ZNF782: variants seen among roughly 807,000 people sequenced by gnomAD.
ZNF782 encodes the protein zinc finger protein 782.
In ZNF782, 12 loss-of-function variants were observed where a neutral mutation model predicts 13.0. That is an observed-to-expected ratio of 0.92 (90% confidence interval 0.59 to 1.50). The LOEUF is 1.50. Among genes scored for constraint, ZNF782 ranks in the 40% most tolerant of loss-of-function variants. The pLI is 0.00. For synonymous variants in ZNF782, 284 were observed against 283.0 expected (o/e 1.00, Z -0.04); for missense variants, 770 against 822.9 (o/e 0.94, Z 0.79).
At chr9:96,877,075 T>G (rs1213304677), upstream of ZNF782, among the ~76,000 whole-genome samples, 1 of 152,054 alleles carries the variant, frequency 6.6e-6, no homozygotes, top group Non-Finnish European at 1.5e-5. Flanking sequence ...CCTGTTGATT[T>G]TTTTAACCAA....
intron 1 of ZNF782, among the ~76,000 whole-genome samples, chr9:96,868,304 A>G (rs1327781): frequency 0.17 from 26,268 of 152,226 alleles, 5,503 homozygotes; most frequent in African/African-American, 0.49. Context: ...AGTCTACTGG[A>G]GTTCCAATCC....
At chr9:96,885,349 T>G in the ZNF782 span, among the ~76,000 whole-genome samples, 127 of 151,674 alleles carry the variant, frequency 8.4e-4, no homozygotes, top group Middle Eastern at 3.4e-3. Context: ...ATAACCACAA[T>G]AAAAAGCCTG....
At chr9:96,915,430 G>A in the ZNF782 span, among the ~76,000 whole-genome samples, 1 of 149,904 alleles carries the variant, frequency 6.7e-6, no homozygotes, top group Admixed American at 6.6e-5. Context: ...TGTAATCCCA[G>A]CACTCTGGGA....
Position 96,844,919 on chromosome 9 carries a change from A to G in ZNF782, c.113T>C (p.Leu38Pro). The stretch of plus-strand genomic sequence containing the variant: ...TGAGACGAGGTGGCTGTAGTTCTCC[A>G]GCATCACATCTCTGTACAGGGTCCT... ...VERTLYRDVM[L>P]ENYSHLVSVG... The change falls in exon 4 of 6, where the codon CTG becomes CCG. Residue 38 changes from leucine to proline, a missense_variant. Leu to Pro is a moderately conservative substitution (Grantham distance 98). Transcript: ENST00000481138. 6.2e-7 allele frequency: 1 copy of G among 1,614,004 alleles called. No individual in the cohort carries two copies. Among genetic ancestry groups the G allele is most frequent in the Non-Finnish European group, 8.5e-7 (1 of 1,179,908 alleles).
the ZNF782 span, among the ~76,000 whole-genome samples, chr9:96,911,433 T>C: frequency 1.9e-5 from 2 of 105,752 alleles, no homozygotes; most frequent in Non-Finnish European, 3.8e-5. Context: ...AGCAAGACTC[T>C]GTCTCAAAAA....
the ZNF782 span, among the ~76,000 whole-genome samples, chr9:96,916,276 A>C: frequency 6.6e-6 from 1 of 151,928 alleles, no homozygotes; most frequent in African/African-American, 2.4e-5. Flanking sequence ...GGATCACTTG[A>C]GGCCAGGAGT....
upstream of ZNF782, among the ~76,000 whole-genome samples, chr9:96,876,759 A>C (rs1386123050): frequency 1.3e-5 from 2 of 152,020 alleles, no homozygotes; most frequent in Non-Finnish European, 2.9e-5. Context: ...TAATCCCAAC[A>C]CTTTGGGAGG....
upstream of ZNF782, among the ~76,000 whole-genome samples, chr9:96,857,053 G>A (rs1851652034): frequency 6.6e-6 from 1 of 152,206 alleles, no homozygotes; most frequent in Non-Finnish European, 1.5e-5. Context: ...AGAAGGGTAA[G>A]TTTTTGTGAA....
At chr9:96,840,054 C>T (rs937709074) in intron 4 of ZNF782, among the ~76,000 whole-genome samples, 20 of 152,232 alleles carry the variant, frequency 1.3e-4, no homozygotes, top group South Asian at 4.1e-4. Context: ...AAAATTAATG[C>T]ACCTGTAATT....
At chr9:96,910,184 G>A in the ZNF782 span, 65 of 830,398 alleles carry the variant, frequency 7.8e-5, 2 homozygotes, top group South Asian at 8.5e-4. Flanking sequence ...CCCTGCTAAC[G>A]GGAATGCTAA....
chr9:96,899,197 G>C, the ZNF782 span, among the ~76,000 whole-genome samples: 1 of 151,352 alleles, frequency 6.6e-6, no homozygotes, highest in Non-Finnish European at 1.5e-5. Context: ...TTTAAAGTGA[G>C]CTGAGATCAC....
At chr9:96,924,736 G>A in the ZNF782 span, among the ~76,000 whole-genome samples, 1 of 152,176 alleles carries the variant, frequency 6.6e-6, no homozygotes, top group Non-Finnish European at 1.5e-5. Flanking sequence ...ATGCATCACG[G>A]TTTCAACTGC....
intron 5 of ZNF782, among the ~76,000 whole-genome samples, chr9:96,823,982 G>A (rs1421156227): frequency 6.6e-6 from 1 of 152,096 alleles, no homozygotes; most frequent in East Asian, 1.9e-4. Flanking sequence ...GATACAAGGA[G>A]GAACTGGTAC....
At chr9:96,828,205 C>T (rs888682908) in intron 4 of ZNF782, among the ~76,000 whole-genome samples, 40 of 152,128 alleles carry the variant, frequency 2.6e-4, no homozygotes, top group African/African-American at 8.9e-4. Flanking sequence ...TCATCACCAA[C>T]CAGGGTAGAA....
At chr9:96,886,921 C>T in the ZNF782 span, among the ~76,000 whole-genome samples, 3 of 112,656 alleles carry the variant, frequency 2.7e-5, no homozygotes, top group African/African-American at 4.1e-5. Context: ...AACTCCCTCT[C>T]GAAAAAAAAA....
At chr9:96,923,855 T>C in the ZNF782 span, among the ~76,000 whole-genome samples, 1 of 149,578 alleles carries the variant, frequency 6.7e-6, no homozygotes, top group East Asian at 2.3e-4. Context: ...TTCCTTTTTT[T>C]TTTTGAGATG....
Position 96,819,189 on chromosome 9 carries a change from A to G in ZNF782, c.834T>C (p.Asn278=). 1 of 1,611,878 alleles carries G rather than the reference A, an allele frequency of 6.2e-7. No individual in the cohort carries two copies. The highest frequency in any genetic ancestry group is 1.1e-5 in the South Asian group (1 of 90,676). ...TTTTGTGAGTGATTCTACAGAAACA[A>G]TTTCCAGTATCATTAAACTCATAGT... The part of the protein sequence containing the change: ...KSHYEFNDTG[N]CFCRITHKTL... The change falls in exon 6 of 6, where the codon AAT becomes AAC. Residue 278 remains asparagine (N), a synonymous_variant. Transcript: ENST00000481138.
At chr9:96,866,871 G>T (rs1229328090) in intron 1 of ZNF782, among the ~76,000 whole-genome samples, 1 of 152,228 alleles carries the variant, frequency 6.6e-6, no homozygotes. Context: ...CTGGATTTCG[G>T]ACTTGCCTGG....
chr9:96,838,709 TTTC>T (rs1851083540), intron 4 of ZNF782, among the ~76,000 whole-genome samples: 1 of 144,716 alleles, frequency 6.9e-6, no homozygotes, highest in African/African-American at 2.9e-5. Context: ...CTGATGTATT[TTTC>T]TTTTCTTTTT....
Sources: gnomAD v4.1 joint callset for allele counts (sites outside exome capture counted in the v4.1 genomes callset) on GRCh38, gnomAD v4.1.1 for gene constraint, MANE v1.5 for transcripts, NCBI Gene and HGNC (gene_info 2026-07-23, HGNC 2026-07-21) for gene names.